Variants in HAL observed in about 807,000 individuals in gnomAD.
HAL encodes histidase.
In HAL, 85 loss-of-function variants were observed where a neutral mutation model predicts 81.1. The ratio of observed to expected loss-of-function variants is 1.05; its 90% CI spans 0.88 to 1.25. The LOEUF is 1.25. HAL is among the 50% of genes most tolerant of loss of function. The probability of loss-of-function intolerance (pLI) is 0.00; values close to 1 mark genes in which losing one functional copy is unlikely to be tolerated. For missense variants in HAL, 798 were observed against 836.6 expected (o/e 0.95, Z 0.57); for synonymous variants, 301 against 309.2 (o/e 0.97, Z 0.28).
intron 20 of HAL, among the ~76,000 whole-genome samples, chr12:95,975,727 C>A (rs943200476): frequency 1.3e-5 from 2 of 152,120 alleles, no homozygotes; most frequent in African/African-American, 4.8e-5. Context: ...GAGTGCAGGG[C>A]ATGCTTAGAA....
rs1281237063 is a variant in HAL at position 95,995,836 on chromosome 12, G to GC, written c.74dup (p.Trp26LeufsTer14). 1.2e-6 allele frequency: 2 copies of GC among 1,611,528 alleles called. No individual in the cohort carries two copies. Among genetic ancestry groups the GC allele is most frequent in the South Asian group, 2.2e-5 (2 of 91,090 alleles). Reference sequence around the variant, plus strand: ...GCCTCACGGCCTCCCGGCCCAGCCAGCCCACAGTGAGCTGCGCGTCCTGGC... The same window carrying GC: ...GCCTCACGGCCTCCCGGCCCAGCCAGCCCCACAGTGAGCTGCGCGTCCTGGC... On this transcript the variant is annotated frameshift_variant, in exon 2 of 21. Transcript: ENST00000261208. LOFTEE classifies it high-confidence loss of function.
chr12:95,977,587 G>T (rs2080736105), intron 18 of HAL, among the ~76,000 whole-genome samples: 1 of 136,578 alleles, frequency 7.3e-6, no homozygotes. Context: ...AGGCTGCAGT[G>T]AGCTATTGTT....
At chr12:95,977,666 A>G (rs942204396) in intron 18 of HAL, among the ~76,000 whole-genome samples, 3 of 146,574 alleles carry the variant, frequency 2.0e-5, no homozygotes, top group South Asian at 4.4e-4. Flanking sequence ...AAAAAAGAGA[A>G]AAAAAAAGCC....
At chr12:95,977,385 T>TA (rs34975193) in intron 18 of HAL, among the ~76,000 whole-genome samples, 42,792 of 147,100 alleles carry the variant, frequency 0.29, 6,433 homozygotes, top group East Asian at 0.46. Context: ...AAAGTCTCAT[T>TA]AAAAAAAAAA....
intron 9 of HAL, 79 bp downstream of exon 9, chr12:95,992,601 A>G (rs1949984529): frequency 1.6e-6 from 2 of 1,285,956 alleles, no homozygotes; most frequent in Non-Finnish European, 2.3e-6. Flanking sequence ...GTGATTCCTC[A>G]GCATCTGGCC....
At chr12:95,977,910 G>T in intron 18 of HAL, 34 bp downstream of exon 18, 13 of 1,612,410 alleles carry the variant, frequency 8.1e-6, no homozygotes, top group African/African-American at 1.3e-5. Context: ...TGGTCTATCA[G>T]GCAGGCCCGC....
intron 9 of HAL, among the ~76,000 whole-genome samples, chr12:95,991,108 T>G (rs956532093): frequency 2.0e-5 from 3 of 152,156 alleles, no homozygotes; most frequent in Admixed American, 1.3e-4. Context: ...GGATCCTGTC[T>G]CCTAAATAAA....
At chr12:95,994,525 T>A (rs1209813254) in intron 4 of HAL, among the ~76,000 whole-genome samples, 2 of 152,044 alleles carry the variant, frequency 1.3e-5, no homozygotes, top group Non-Finnish European at 2.9e-5. Flanking sequence ...GAGTAGCTGG[T>A]ATTACAGGTG....
At chr12:95,975,311 G>A (rs2080702764) in intron 20 of HAL, among the ~76,000 whole-genome samples, 1 of 150,948 alleles carries the variant, frequency 6.6e-6, no homozygotes, top group Non-Finnish European at 1.5e-5. Flanking sequence ...CAGATCCTTG[G>A]TTAGCTTTTG....
In HAL at chr12:95,972,684, C is replaced by T. The variant is rs886049892; in HGVS notation, c.*1548G>A. On this transcript the variant is annotated 3_prime_UTR_variant, in exon 21 of 21. Coordinates refer to ENST00000261208, the MANE Select transcript of HAL (RefSeq NM_002108.4). ...TAAGGCAATTGAGACTTAGTTTATT[C>T]CATGTTTCCCTTGAAGTTCCCTTGA... The T allele has an allele frequency of 1.3e-5, 2 of 152,196 alleles. No homozygotes were observed. Among genetic ancestry groups the T allele is most frequent in the East Asian group, 1.9e-4 (1 of 5,196 alleles). 9.4% of individuals were successfully genotyped at this position (152,196 alleles called of 1,614,324 possible).
chr12:95,976,424 C>A lies in HAL; in HGVS notation c.1833+5G>T, dbSNP rs2080719198. On this transcript the variant is annotated splice_donor_5th_base_variant and intron_variant, in intron 20 of 20. Coordinates refer to ENST00000261208, the MANE Select transcript of HAL (RefSeq NM_002108.4). ...ATTAAGAAACAAGCCAAGGAGCCAGCTTGCCTTCTGCTCCAGGAGCAGCCT... is the reference window on the plus strand; with the variant it reads ...ATTAAGAAACAAGCCAAGGAGCCAGATTGCCTTCTGCTCCAGGAGCAGCCT... 6.2e-7 allele frequency: 1 copy of A among 1,610,378 alleles called. No individual in the cohort carries two copies.
chr12:95,985,746 A>G (rs1166470466), intron 14 of HAL, among the ~76,000 whole-genome samples, 162 bp downstream of exon 14: 1 of 152,170 alleles, frequency 6.6e-6, no homozygotes, highest in Admixed American at 6.5e-5. Flanking sequence ...TAAAGGTAAA[A>G]TATACATAAC....
rs745384692 is a variant in HAL, at chr12:95,974,107, T to G, written c.*125A>C. Reference sequence around the variant, plus strand: ...GCCATCAGCCTAACCAACGTAGGCTTTAGAAGAACTGAATGATACAATGGA... The same window carrying G: ...GCCATCAGCCTAACCAACGTAGGCTGTAGAAGAACTGAATGATACAATGGA... On this transcript the variant is annotated 3_prime_UTR_variant, in exon 21 of 21. Coordinates refer to ENST00000261208, the MANE Select transcript of HAL (RefSeq NM_002108.4). 1 of 878,706 alleles carries G rather than the reference T, an allele frequency of 1.1e-6. No individual in the cohort carries two copies. The highest frequency in any genetic ancestry group is 1.9e-6 in the Non-Finnish European group (1 of 514,038). The allele number at this position is 878,706 out of a possible 1,614,324, so 54.4% of individuals were successfully genotyped here.
intron 20 of HAL, 21 bp downstream of exon 20, chr12:95,976,408 C>T: frequency 6.3e-7 from 1 of 1,594,022 alleles, no homozygotes; most frequent in Non-Finnish European, 8.6e-7. Context: ...AATTAAGAAA[C>T]AAGCCAAGGA....
rs997926327 is a variant in HAL at position 95,994,997 on chromosome 12, A to C, written c.248-4T>G. 4 of 1,604,714 alleles carry C rather than the reference A, an allele frequency of 2.5e-6. No homozygotes were observed. The African/African-American group carries it at 5.4e-5, about 21-fold the overall frequency. On this transcript the variant is annotated splice_polypyrimidine_tract_variant and splice_region_variant and intron_variant, in intron 2 of 20. Transcript: ENST00000261208. ...GACATGGCATCACCCTCTATAACTA[A>C]AACAATGCACGGGAGACTCGTTACA...
chr12:95,975,570 G>T (rs545707710), intron 20 of HAL, among the ~76,000 whole-genome samples: 2 of 151,992 alleles, frequency 1.3e-5, no homozygotes, highest in Non-Finnish European at 2.9e-5. Context: ...GTTTATATCT[G>T]CTTTTTAACT....
At chr12:95,980,076 T>C (rs979812936) in intron 17 of HAL, among the ~76,000 whole-genome samples, 5 of 152,222 alleles carry the variant, frequency 3.3e-5, no homozygotes, top group Non-Finnish European at 7.3e-5. Flanking sequence ...CTTATAAGCA[T>C]TTTTTTAATG....
intron 4 of HAL, among the ~76,000 whole-genome samples, chr12:95,994,548 C>T (rs529443473): frequency 6.6e-6 from 1 of 152,230 alleles, no homozygotes; most frequent in Middle Eastern, 3.4e-3. Context: ...CGCCACCATA[C>T]CTGGCTAATT....
chr12:95,976,315 C>T, intron 20 of HAL, 114 bp downstream of exon 20: 1 of 873,482 alleles, frequency 1.1e-6, no homozygotes, highest in Admixed American at 1.7e-5. Flanking sequence ...TACCTTTTTG[C>T]TCATTCCCAA....
Sources: allele counts gnomAD v4.1 joint callset (sites outside exome capture counted in the v4.1 genomes callset), GRCh38; gene constraint gnomAD v4.1.1; transcripts MANE v1.5; gene names NCBI Gene and HGNC (gene_info 2026-07-23, HGNC 2026-07-21).